The following MS4A4E variants were observed in gnomAD, a reference collection of about 807,000 sequenced individuals.
MS4A4E encodes the protein putative membrane-spanning 4-domains subfamily A member 4E.
MS4A4E carries 23 observed loss-of-function variants against 13.3 expected under a neutral mutation model. The observed-to-expected ratio is 1.73, with a 90% CI of 1.25 to 2.45. The LOEUF is 2.45. MS4A4E is among the 30% of genes most tolerant of loss of function. The pLI, the probability that MS4A4E is intolerant of heterozygous loss-of-function variation, is 0.00. For synonymous variants in MS4A4E, 36 were observed against 45.6 expected (o/e 0.79, Z 0.85); for missense variants, 144 against 131.2 (o/e 1.10, Z -0.48).
chr11:60,233,383 T>A (rs958595405), intron 1 of MS4A4E, among the ~76,000 whole-genome samples: 2 of 152,218 alleles, frequency 1.3e-5, no homozygotes, highest in Admixed American at 1.3e-4. Context: ...GATGATGTTG[T>A]GCACTGACCC....
intron 4 of MS4A4E, among the ~76,000 whole-genome samples, chr11:60,213,795 A>G (rs1554984295): frequency 1.3e-5 from 2 of 152,232 alleles, no homozygotes; most frequent in Non-Finnish European, 2.9e-5. Context: ...TATGAAAGGC[A>G]TCTTGACATG....
rs2083975446 is a variant in MS4A4E, at chr11:60,200,767, G to A, written c.*776C>T. Among the ~76,000 whole-genome samples the A allele has an allele frequency of 6.6e-6, 1 of 152,022 alleles. No individual in the cohort carries two copies. The highest frequency in any genetic ancestry group is 2.1e-4 in the South Asian group (1 of 4,818). On this transcript the variant is annotated 3_prime_UTR_variant, in exon 9 of 9. Coordinates refer to ENST00000651255, the MANE Select transcript of MS4A4E (RefSeq NM_001393391.1). ...TCCCCCCTTTCTATTCCACAAAACC[G>A]CCATTGTCCTCATGGCCCGTTCTCA...
chr11:60,205,384 C>T (rs1485482058), intron 7 of MS4A4E, among the ~76,000 whole-genome samples: 1 of 152,138 alleles, frequency 6.6e-6, no homozygotes, highest in African/African-American at 2.4e-5. Flanking sequence ...ACAATGTCTG[C>T]CCCATTGTAG....
intron 1 of MS4A4E, among the ~76,000 whole-genome samples, chr11:60,232,161 G>A (rs984890868): frequency 2.6e-5 from 4 of 151,738 alleles, no homozygotes; most frequent in Admixed American, 1.3e-4. Flanking sequence ...CAAGAAAATG[G>A]TCACAATAGA....
At chr11:60,240,634 C>T (rs1197572857) in intron 1 of MS4A4E, among the ~76,000 whole-genome samples, 1 of 152,040 alleles carries the variant, frequency 6.6e-6, no homozygotes, top group African/African-American at 2.4e-5. Flanking sequence ...TTTTTAAAGC[C>T]CCAAGTATAT....
chr11:60,232,662 C>A (rs2084427317), intron 1 of MS4A4E, among the ~76,000 whole-genome samples: 1 of 151,954 alleles, frequency 6.6e-6, no homozygotes, highest in Non-Finnish European at 1.5e-5. Flanking sequence ...TGTTCTATCC[C>A]AGAGGAGGAG....
At chr11:60,240,030 G>A (rs949473629) in intron 1 of MS4A4E, among the ~76,000 whole-genome samples, 9 of 152,192 alleles carry the variant, frequency 5.9e-5, no homozygotes, top group Admixed American at 4.6e-4. Context: ...GACCAAATTA[G>A]AAGATATTCA....
At chr11:60,241,432 C>T (rs1002554905) in intron 1 of MS4A4E, among the ~76,000 whole-genome samples, 1 of 152,174 alleles carries the variant, frequency 6.6e-6, no homozygotes, top group Non-Finnish European at 1.5e-5. Flanking sequence ...GTAGTTCTCC[C>T]TCTGTGTTTA....
intron 3 of MS4A4E, among the ~76,000 whole-genome samples, chr11:60,217,323 A>G (rs1395097713): frequency 6.6e-6 from 1 of 152,184 alleles, no homozygotes; most frequent in East Asian, 1.9e-4. Flanking sequence ...CATTGATTGA[A>G]AAAGAATGGG....
At chr11:60,204,472 T>G (rs2084016954) in intron 8 of MS4A4E, among the ~76,000 whole-genome samples, 1 of 152,200 alleles carries the variant, frequency 6.6e-6, no homozygotes, top group South Asian at 2.1e-4. Flanking sequence ...AAATTAATTG[T>G]GTGAATGACT....
intron 8 of MS4A4E, among the ~76,000 whole-genome samples, chr11:60,203,085 T>A (rs980669603): frequency 6.6e-6 from 1 of 152,230 alleles, no homozygotes; most frequent in Non-Finnish European, 1.5e-5. Context: ...AAAATCAGAA[T>A]TCTGTGGACA....
intron 3 of MS4A4E, among the ~76,000 whole-genome samples, chr11:60,224,339 G>C (rs1376729813): frequency 6.6e-6 from 1 of 152,176 alleles, no homozygotes; most frequent in Non-Finnish European, 1.5e-5. Context: ...AATTTCCTGA[G>C]ATTTGATAGT....
chr11:60,230,096 A>T, intron 1 of MS4A4E, 25 bp from the exon 2 acceptor site: 30 of 1,556,412 alleles, frequency 1.9e-5, no homozygotes, highest in Non-Finnish European at 2.5e-5. Flanking sequence ...GTAATTTAGG[A>T]TGAGGTCCTG....
At chr11:60,228,805 A>G (rs2084373952) in intron 2 of MS4A4E, among the ~76,000 whole-genome samples, 178 bp from the exon 3 acceptor site, 1 of 152,212 alleles carries the variant, frequency 6.6e-6, no homozygotes, top group Non-Finnish European at 1.5e-5. Context: ...GGAAATTTAA[A>G]TGCATGTTAT....
In MS4A4E at chr11:60,214,125, C is replaced by T. The variant is rs764901604; in HGVS notation, c.222+446G>A. 5.3e-4 allele frequency among the ~76,000 whole-genome samples: 81 copies of T among 152,234 alleles called. 2 individuals are homozygous for T. Among genetic ancestry groups the T allele is most frequent in the Admixed American group, 4.1e-3 (63 of 15,292 alleles). The stretch of plus-strand genomic sequence containing the variant: ...TTCACCATGTTGGCCAGGCTGGTTG[C>T]AAACTCCTGACTTCAAATGATCCAC... On this transcript the variant is annotated intron_variant, in intron 4 of 8. Coordinates refer to ENST00000651255, the MANE Select transcript of MS4A4E (RefSeq NM_001393391.1).
In MS4A4E at chr11:60,207,228, C is replaced by T. The variant is rs117566345; in HGVS notation, c.483+1365G>A. Among the ~76,000 whole-genome samples, 148 of 152,188 alleles carry T rather than the reference C, an allele frequency of 9.7e-4. 4 individuals carry two copies. The East Asian group carries it at 0.025, about 26-fold the overall frequency. Reference sequence around the variant, plus strand: ...AGTGCAACATTCGATTGGTAGGGCACGGTGGGGGACCAGGAAGAGATAGAG... The same window carrying T: ...AGTGCAACATTCGATTGGTAGGGCATGGTGGGGGACCAGGAAGAGATAGAG... On this transcript the variant is annotated intron_variant, in intron 6 of 8. Transcript: ENST00000651255.
chr11:60,206,512 T>TATATATGTATATATATATATAC (rs141037502), intron 6 of MS4A4E, among the ~76,000 whole-genome samples: 1 of 98,346 alleles, frequency 1.0e-5, no homozygotes, highest in African/African-American at 4.8e-5. Flanking sequence ...TATATATATA[T>TATATATGTATATATATATATAC]ACACACACAC....
chr11:60,225,232 T>C, intron 3 of MS4A4E: 2 of 775,180 alleles, frequency 2.6e-6, no homozygotes, highest in Non-Finnish European at 3.7e-6. Context: ...GTCACTCTTT[T>C]TTTCACATAA....
At chr11:60,209,811 C>T (rs762620805) in intron 5 of MS4A4E, among the ~76,000 whole-genome samples, 5 of 152,228 alleles carry the variant, frequency 3.3e-5, no homozygotes, top group Non-Finnish European at 5.9e-5. Flanking sequence ...GGGATAGTCC[C>T]TCTGTTGCGG....
Sources: gnomAD v4.1 joint callset for allele counts (sites outside exome capture counted in the v4.1 genomes callset) on GRCh38, gnomAD v4.1.1 for gene constraint, MANE v1.5 for transcripts, NCBI Gene and HGNC (gene_info 2026-07-23, HGNC 2026-07-21) for gene names.